Variants in CSMD3 observed in about 807,000 individuals in gnomAD.
CSMD3 encodes the protein CUB and sushi domain-containing protein 3.
In CSMD3, 177 loss-of-function variants were observed where a neutral mutation model predicts 435.2. The ratio of observed to expected loss-of-function variants is 0.41; its 90% CI spans 0.36 to 0.46. The LOEUF (loss-of-function observed/expected upper bound fraction) is 0.46. Ranked by LOEUF, CSMD3 falls within the 20% of genes least tolerant of loss-of-function variation. CSMD3 has a pLI of 0.34. For missense variants in CSMD3, 4,265 were observed against 4,504.6 expected (o/e 0.95, Z 1.52); for synonymous variants, 1,656 against 1,520.5 (o/e 1.09, Z -2.07).
chr8:112,409,325 A>T (rs1260537670), intron 32 of CSMD3, among the ~76,000 whole-genome samples: 1 of 152,028 alleles, frequency 6.6e-6, no homozygotes, highest in Non-Finnish European at 1.5e-5. Flanking sequence ...AAAATTGATG[A>T]TTAATACTTT....
chr8:113,009,313 C>G (rs1356118755), intron 6 of CSMD3, among the ~76,000 whole-genome samples: 2 of 151,646 alleles, frequency 1.3e-5, no homozygotes, highest in Non-Finnish European at 2.9e-5. Flanking sequence ...AATTTTGGAC[C>G]TAGAAAGAAC....
chr8:112,230,639 C>G (rs1812998134), intron 69 of CSMD3, among the ~76,000 whole-genome samples: 1 of 151,836 alleles, frequency 6.6e-6, no homozygotes, highest in African/African-American at 2.4e-5. Context: ...AAATACATAG[C>G]CAGGCATGGT....
chr8:112,417,079 A>G (rs1811993092), intron 32 of CSMD3, among the ~76,000 whole-genome samples: 1 of 152,192 alleles, frequency 6.6e-6, no homozygotes. Flanking sequence ...TTGCCAAATG[A>G]CAAGCCCTCT....
intron 5 of CSMD3, among the ~76,000 whole-genome samples, chr8:113,087,430 A>AGGC (rs2089833477): frequency 6.6e-6 from 1 of 152,200 alleles, no homozygotes; most frequent in Non-Finnish European, 1.5e-5. Context: ...ACAAAGCTGG[A>AGGC]GGCATCATGC....
At position 112,608,599 on chromosome 8, in the gene CSMD3, TAC is replaced by T. The variant is rs1333365779; in HGVS notation, c.3716-21366_3716-21365del. Among the ~76,000 whole-genome samples the T allele has an allele frequency of 2.6e-3, 402 of 151,718 alleles. 1 individual carries two copies. Among genetic ancestry groups the T allele is most frequent in the African/African-American group, 9.3e-3 (383 of 41,388 alleles). On this transcript the variant is annotated intron_variant, in intron 22 of 70. Coordinates refer to ENST00000297405, the MANE Select transcript of CSMD3 (RefSeq NM_198123.2). Reference sequence around the variant, plus strand: ...GGCATGAAAACTATATATATATATATACATACACACACACACACGTATGTGTT... The same window carrying T: ...GGCATGAAAACTATATATATATATATATACACACACACACACGTATGTGTT...
intron 13 of CSMD3, among the ~76,000 whole-genome samples, chr8:112,785,244 T>C (rs146299992): frequency 6.6e-5 from 10 of 152,008 alleles, no homozygotes; most frequent in East Asian, 3.9e-4. Flanking sequence ...AAAATGAGTA[T>C]AGAAGGAACA....
intron 45 of CSMD3, among the ~76,000 whole-genome samples, chr8:112,321,133 G>A (rs1295302289): frequency 6.6e-6 from 1 of 151,836 alleles, no homozygotes; most frequent in African/African-American, 2.4e-5. Flanking sequence ...CAGGAAACAT[G>A]TTTTATACTA....
Position 112,314,558 on chromosome 8 carries a change from A to G in CSMD3, c.7420T>C (p.Tyr2474His). 1.2e-6 allele frequency: 2 copies of G among 1,612,836 alleles called. No homozygotes were observed. Among genetic ancestry groups the G allele is most frequent in the Non-Finnish European group, 8.5e-7 (1 of 1,178,956 alleles). The part of the protein sequence containing the change: ...DSTGVILSPG[Y>H]PDSYPNLQMC... ...TGAAGATTTGGGTAACTGTCAGGAT[A>G]TCCAGGGCTCAATATGACTCCAGTA... The change falls in exon 48 of 71, where the codon TAT (tyrosine) becomes CAT (histidine). Residue 2474 changes from tyrosine to histidine, a missense_variant. By Grantham distance (83) the Tyr-to-His change is moderately conservative (BLOSUM62 2). Coordinates refer to ENST00000297405, the MANE Select transcript of CSMD3 (RefSeq NM_198123.2).
intron 35 of CSMD3, among the ~76,000 whole-genome samples, chr8:112,396,178 A>C (rs1830845211): frequency 6.6e-6 from 1 of 152,186 alleles, no homozygotes. Flanking sequence ...AGTAATAATA[A>C]GAACTGTGAA....
intron 22 of CSMD3, among the ~76,000 whole-genome samples, chr8:112,616,992 G>C (rs1030913177): frequency 6.6e-6 from 1 of 152,146 alleles, no homozygotes; most frequent in Admixed American, 6.6e-5. Flanking sequence ...TAGGCTGCTT[G>C]TCTCTCCTTA....
intron 31 of CSMD3, among the ~76,000 whole-genome samples, chr8:112,486,806 A>T (rs1416892929): frequency 1.3e-5 from 2 of 152,084 alleles, no homozygotes. Flanking sequence ...CTAGCAATGG[A>T]CTTTACCTAT....
At chr8:112,494,355 T>G (rs1821007141) in intron 30 of CSMD3, among the ~76,000 whole-genome samples, 1 of 151,834 alleles carries the variant, frequency 6.6e-6, no homozygotes, top group Admixed American at 6.6e-5. Flanking sequence ...TCGTTCTTTC[T>G]TTCTACAAAT....
chr8:112,296,005 C>T lies in CSMD3; in HGVS notation c.8442G>A (p.Ala2814=), dbSNP rs1029108931. 6.2e-7 allele frequency: 1 copy of T among 1,607,814 alleles called. No homozygotes were observed. Among genetic ancestry groups the T allele is most frequent in the Non-Finnish European group, 8.5e-7 (1 of 1,174,668 alleles). Residue 2814 remains alanine, a splice_region_variant and synonymous_variant, in exon 54 of 71, where the codon GCG becomes GCA. Coordinates refer to ENST00000297405, the MANE Select transcript of CSMD3 (RefSeq NM_198123.2). ...TCAGTTCTGGAATTCCACAATGACC[C>T]GCTGAAATACGTTATAAAGTAATAT... ...LWSESETRCL[A]GHCGIPELIV... is the part of the protein sequence containing the mutation.
intron 2 of CSMD3, among the ~76,000 whole-genome samples, chr8:113,300,473 G>A (rs2093757258): frequency 6.6e-6 from 1 of 152,192 alleles, no homozygotes; most frequent in South Asian, 2.1e-4. Context: ...TAAAGGAATT[G>A]TGATACATAT....
intron 6 of CSMD3, among the ~76,000 whole-genome samples, chr8:113,010,040 T>C (rs1407129160): frequency 6.6e-6 from 1 of 151,704 alleles, no homozygotes; most frequent in African/African-American, 2.4e-5. Context: ...TATTATAATA[T>C]CTATTATATA....
intron 10 of CSMD3, among the ~76,000 whole-genome samples, chr8:112,920,472 C>A (rs2082701230): frequency 6.6e-6 from 1 of 151,826 alleles, no homozygotes; most frequent in Admixed American, 6.6e-5. Flanking sequence ...TTTCTATACT[C>A]TGTCACAAGT....
intron 4 of CSMD3, among the ~76,000 whole-genome samples, chr8:113,116,828 G>T (rs779315526): frequency 3.2e-4 from 49 of 152,156 alleles, no homozygotes; most frequent in Non-Finnish European, 6.3e-4. Flanking sequence ...TGGGGAACTT[G>T]TTGGGAACTG....
At chr8:112,379,464 C>T (rs1279830221) in intron 38 of CSMD3, among the ~76,000 whole-genome samples, 1 of 151,886 alleles carries the variant, frequency 6.6e-6, no homozygotes, top group Non-Finnish European at 1.5e-5. Flanking sequence ...AGTGAAACTC[C>T]GTCTCAAACA....
chr8:112,495,196 T>C (rs1414456415), intron 30 of CSMD3, among the ~76,000 whole-genome samples: 1 of 152,208 alleles, frequency 6.6e-6, no homozygotes, highest in Non-Finnish European at 1.5e-5. Context: ...AAACGCAATG[T>C]AATTTTTAGA....
Sources: allele counts gnomAD v4.1 joint callset (sites outside exome capture counted in the v4.1 genomes callset), GRCh38; gene constraint gnomAD v4.1.1; transcripts MANE v1.5; gene names NCBI Gene and HGNC (gene_info 2026-07-23, HGNC 2026-07-21).